RBFOX1: variants seen among roughly 807,000 people sequenced by gnomAD.
The protein encoded by RBFOX1 is RNA binding protein fox-1 homolog 1.
In RBFOX1, 8 loss-of-function variants were observed where a neutral mutation model predicts 57.7. The ratio of observed to expected loss-of-function variants is 0.14; its 90% confidence interval spans 0.08 to 0.25. RBFOX1 has a LOEUF of 0.25. Ranked by LOEUF, RBFOX1 falls within the 10% of genes least tolerant of loss-of-function variation. RBFOX1 has a pLI of 1.00. For synonymous variants in RBFOX1, 326 were observed against 222.4 expected, an observed-to-expected ratio of 1.47 and a Z score of -4.15; for missense variants, 611 against 548.5, an observed-to-expected ratio of 1.11 and a Z score of -1.14.
chr16:6,113,947 A>G (rs1339269085), intron 1 of RBFOX1, among the ~76,000 whole-genome samples: 1 of 152,222 alleles, frequency 6.6e-6, no homozygotes, highest in Non-Finnish European at 1.5e-5. Flanking sequence ...TAGGGCTGGT[A>G]TCCAGCTGTT....
chr16:5,380,141 G>A (rs963807814), intron 1 of RBFOX1, among the ~76,000 whole-genome samples: 2 of 152,158 alleles, frequency 1.3e-5, no homozygotes, highest in African/African-American at 2.4e-5. Flanking sequence ...CATCCTTCCC[G>A]TCCTTGGCAG....
intron 4 of RBFOX1, among the ~76,000 whole-genome samples, chr16:7,280,453 A>G (rs1006354131): frequency 6.6e-5 from 10 of 152,188 alleles, no homozygotes; most frequent in Non-Finnish European, 1.3e-4. Flanking sequence ...TCCAAAGAGA[A>G]TAATAAGGTG....
chr16:5,272,661 A>G (rs1170655409), intron 1 of RBFOX1, among the ~76,000 whole-genome samples: 1 of 152,100 alleles, frequency 6.6e-6, no homozygotes, highest in Non-Finnish European at 1.5e-5. Context: ...TGTTGACTTC[A>G]TTTGAGATGT....
At chr16:6,517,623 G>A (rs192097367) in intron 2 of RBFOX1, among the ~76,000 whole-genome samples, 37 of 152,178 alleles carry the variant, frequency 2.4e-4, no homozygotes, top group Admixed American at 1.0e-3. Flanking sequence ...GTTTAATCCC[G>A]TGACCATCAA....
intron 2 of RBFOX1, among the ~76,000 whole-genome samples, chr16:6,493,217 G>A (rs1300505165): frequency 6.6e-6 from 1 of 152,172 alleles, no homozygotes; most frequent in Non-Finnish European, 1.5e-5. Context: ...CCTTAGAAAA[G>A]ATAAAACTGA....
chr16:5,432,559 G>GTTTTTTTTTTTTTTTTTTTT (rs35344614), intron 1 of RBFOX1, among the ~76,000 whole-genome samples: 2 of 94,224 alleles, frequency 2.1e-5, no homozygotes, highest in Non-Finnish European at 4.1e-5. Flanking sequence ...TTGTTTGTTT[G>GTTTTTTTTTTTTTTTTTTTT]TTTTTTTTTT....
At chr16:5,558,433 A>C (rs185814886) in intron 2 of RBFOX1, among the ~76,000 whole-genome samples, 1 of 152,038 alleles carries the variant, frequency 6.6e-6, no homozygotes, top group Admixed American at 6.5e-5. Flanking sequence ...GAGGAGACTG[A>C]AGGAGCGAGC....
rs1022925929 is a variant in RBFOX1, at chr16:6,778,773, G to A, written c.-16+124123G>A. ...ATGATTGTGAATTTTCTTGTTTATC[G>A]CACACAATAAATCCACCTTATAAAT... On this transcript the variant is annotated intron_variant, in intron 3 of 15. Coordinates refer to ENST00000550418, the MANE Select transcript of RBFOX1 (RefSeq NM_018723.4). 4.6e-5 allele frequency among the ~76,000 whole-genome samples: 7 copies of A among 151,722 alleles called. No individual in the cohort carries two copies. The East Asian group carries it at 1.2e-3, about 25-fold the overall frequency.
At chr16:7,038,178 T>C (rs1307569738) in intron 3 of RBFOX1, among the ~76,000 whole-genome samples, 1 of 149,930 alleles carries the variant, frequency 6.7e-6, no homozygotes, top group East Asian at 2.2e-4. Flanking sequence ...GTTTCCTGGC[T>C]ATAGGGTAAC....
chr16:7,199,110 C>T (rs1233329156), intron 4 of RBFOX1, among the ~76,000 whole-genome samples: 2 of 152,134 alleles, frequency 1.3e-5, no homozygotes, highest in Non-Finnish European at 2.9e-5. Flanking sequence ...ACACAGGCTG[C>T]AGAGGTGACA....
intron 4 of RBFOX1, among the ~76,000 whole-genome samples, chr16:7,404,714 A>T (rs1230445383): frequency 6.6e-6 from 1 of 152,172 alleles, no homozygotes; most frequent in East Asian, 1.9e-4. Flanking sequence ...AAAAACAAAC[A>T]AACAAACAAA....
intron 1 of RBFOX1, among the ~76,000 whole-genome samples, chr16:5,415,429 A>T (rs1303956400): frequency 6.6e-6 from 1 of 152,214 alleles, no homozygotes; most frequent in Non-Finnish European, 1.5e-5. Context: ...GATTACAATT[A>T]GAGATGAGAT....
chr16:7,489,385 G>C (rs1450561548), intron 4 of RBFOX1, among the ~76,000 whole-genome samples: 1 of 152,068 alleles, frequency 6.6e-6, no homozygotes, highest in African/African-American at 2.4e-5. Context: ...ATATGTGCCA[G>C]GTCCTAATGC....
At chr16:6,473,817 G>A (rs2153084187) in intron 2 of RBFOX1, among the ~76,000 whole-genome samples, 1 of 152,212 alleles carries the variant, frequency 6.6e-6, no homozygotes, top group African/African-American at 2.4e-5. Flanking sequence ...AGTAGAAAGG[G>A]GTGTTCCTTG....
chr16:6,021,844 G>C (rs1324126296), intron 1 of RBFOX1, among the ~76,000 whole-genome samples: 2 of 152,184 alleles, frequency 1.3e-5, no homozygotes, highest in African/African-American at 4.8e-5. Flanking sequence ...AGAGGGTTTG[G>C]GGGTAAATTA....
At chr16:6,987,215 G>T (rs1391643139) in intron 3 of RBFOX1, among the ~76,000 whole-genome samples, 3 of 152,042 alleles carry the variant, frequency 2.0e-5, no homozygotes, top group African/African-American at 7.2e-5. Context: ...ATAATAACAA[G>T]AATGAAAACT....
chr16:7,365,667 C>T (rs1191334116), intron 4 of RBFOX1, among the ~76,000 whole-genome samples: 3 of 152,122 alleles, frequency 2.0e-5, no homozygotes, highest in African/African-American at 7.2e-5. Context: ...GATGGCAGGG[C>T]ACAGTAAAGG....
intron 4 of RBFOX1, among the ~76,000 whole-genome samples, chr16:7,186,584 GCTTAA>G (rs1567619517): frequency 9.7e-5 from 11 of 113,794 alleles, no homozygotes; most frequent in Non-Finnish European, 1.8e-4. Flanking sequence ...ATAAATATAA[GCTTAA>G]ACATATTTAT....
chr16:6,907,453 T>A (rs1024302370), intron 3 of RBFOX1, among the ~76,000 whole-genome samples: 1 of 152,184 alleles, frequency 6.6e-6, no homozygotes, highest in African/African-American at 2.4e-5. Flanking sequence ...ATTGATCGTC[T>A]TGTGTTCTGA....
Sources: gnomAD v4.1 joint callset for allele counts (sites outside exome capture counted in the v4.1 genomes callset) on GRCh38, gnomAD v4.1.1 for gene constraint, MANE v1.5 for transcripts, NCBI Gene and HGNC (gene_info 2026-07-23, HGNC 2026-07-21) for gene names.